Variants in AGBL1 observed in about 807,000 individuals in gnomAD.
AGBL1 encodes AGBL carboxypeptidase 1.
In AGBL1, 130 loss-of-function variants were observed where a neutral mutation model predicts 118.9. The ratio of observed to expected loss-of-function variants is 1.09; its 90% confidence interval spans 0.95 to 1.26. The LOEUF (loss-of-function observed/expected upper bound fraction) is 1.26. Ranked by LOEUF, AGBL1 falls within the 50% of genes most tolerant of loss-of-function variation. The pLI is 0.00. For missense variants in AGBL1, 1,584 were observed against 1,298.1 expected, an observed-to-expected ratio of 1.22 and a Z score of -3.38; for synonymous variants, 555 against 478.9, an observed-to-expected ratio of 1.16 and a Z score of -2.08.
chr15:86,154,131 A>G (rs2077155466), intron 3 of AGBL1, among the ~76,000 whole-genome samples: 1 of 152,208 alleles, frequency 6.6e-6, no homozygotes, highest in South Asian at 2.1e-4. Context: ...ATCGTCTTAA[A>G]GGAACAACTT....
chr15:86,722,361 C>T (rs2086737885), intron 22 of AGBL1, among the ~76,000 whole-genome samples: 1 of 152,194 alleles, frequency 6.6e-6, no homozygotes, highest in Admixed American at 6.5e-5. Flanking sequence ...CGCATATCTA[C>T]AACCATCTGA....
At chr15:86,247,310 G>T (rs2078736798) in intron 6 of AGBL1, among the ~76,000 whole-genome samples, 1 of 152,126 alleles carries the variant, frequency 6.6e-6, no homozygotes, top group Non-Finnish European at 1.5e-5. Flanking sequence ...TGCCTTTCAT[G>T]ACCTTGACAT....
chr15:86,798,195 C>T lies in AGBL1; in HGVS notation c.3159-108892C>T, dbSNP rs1277635986. On this transcript the variant is annotated intron_variant, in intron 22 of 22. Transcript: ENST00000614907. ...ACAAAACAACAAAAACAACCGATTC[C>T]ACCACATTTATCTTTGCCTTCAAAA... is the stretch of plus-strand genomic sequence containing the variant. Among the ~76,000 whole-genome samples, 6 of 152,110 alleles carry T rather than the reference C, an allele frequency of 3.9e-5. No homozygotes were observed. In the East Asian group the frequency reaches 1.2e-3, roughly 29 times the overall value.
intron 1 of AGBL1, 61 bp downstream of exon 1, chr15:86,080,084 G>C: frequency 8.3e-7 from 1 of 1,203,324 alleles, no homozygotes; most frequent in Non-Finnish European, 1.0e-6. Flanking sequence ...GGGCTGGCCT[G>C]CCTGGGAGCT....
intron 22 of AGBL1, among the ~76,000 whole-genome samples, chr15:86,827,421 ATATATATACACATATATATATGTGTGTG>A (rs2079035480): frequency 1.3e-4 from 1 of 7,944 alleles, no homozygotes; most frequent in African/African-American, 1.1e-3. Flanking sequence ...GTATATATAT[ATATATATACACATATATATATGTGTGTG>A]TATATATATA....
At chr15:86,687,223 T>G (rs1219966451) in intron 22 of AGBL1, among the ~76,000 whole-genome samples, 1 of 152,164 alleles carries the variant, frequency 6.6e-6, no homozygotes, top group Admixed American at 6.6e-5. Flanking sequence ...AGAGCACACC[T>G]AGAAGCTGCT....
At chr15:86,557,646 A>G (rs1288537471) in intron 21 of AGBL1, among the ~76,000 whole-genome samples, 1 of 152,148 alleles carries the variant, frequency 6.6e-6, no homozygotes, top group Non-Finnish European at 1.5e-5. Flanking sequence ...ACACAAATCT[A>G]TTCAAGTCAC....
chr15:86,432,525 A>G (rs900742547), intron 18 of AGBL1, among the ~76,000 whole-genome samples: 2 of 152,216 alleles, frequency 1.3e-5, no homozygotes, highest in African/African-American at 4.8e-5. Flanking sequence ...ATTGTATTCT[A>G]TTAAGAGAGC....
intron 16 of AGBL1, among the ~76,000 whole-genome samples, chr15:86,288,981 TG>T (rs1684506871): frequency 1.3e-5 from 2 of 152,188 alleles, no homozygotes; most frequent in South Asian, 4.1e-4. Context: ...ATGGCTTCAT[TG>T]TATATTACTA....
At chr15:86,639,466 C>G (rs192378449) in intron 21 of AGBL1, among the ~76,000 whole-genome samples, 8 of 152,274 alleles carry the variant, frequency 5.3e-5, no homozygotes, top group Non-Finnish European at 2.9e-5. Context: ...AATGTGATTT[C>G]AGTGGACTCA....
chr15:86,094,821 T>C (rs186385495), intron 1 of AGBL1, among the ~76,000 whole-genome samples: 14 of 152,288 alleles, frequency 9.2e-5, no homozygotes, highest in Admixed American at 2.0e-4. Context: ...TCTTCAACTT[T>C]CTGGATGCCA....
intron 17 of AGBL1, among the ~76,000 whole-genome samples, chr15:86,392,911 T>G (rs1400295661): frequency 1.1e-4 from 17 of 152,174 alleles, no homozygotes; most frequent in Non-Finnish European, 2.5e-4. Context: ...AGACTGAGAT[T>G]GTCAATTGCA....
chr15:86,473,261 C>T (rs2082504736), intron 18 of AGBL1, among the ~76,000 whole-genome samples: 1 of 152,154 alleles, frequency 6.6e-6, no homozygotes, highest in South Asian at 2.1e-4. Flanking sequence ...CAGGGAAGGA[C>T]TGAATGTGAT....
intron 22 of AGBL1, among the ~76,000 whole-genome samples, chr15:86,704,221 G>A (rs2086409024): frequency 6.6e-6 from 1 of 152,010 alleles, no homozygotes; most frequent in Non-Finnish European, 1.5e-5. Flanking sequence ...TTCAGGACAT[G>A]GCCTGGGCAA....
intron 5 of AGBL1, among the ~76,000 whole-genome samples, chr15:86,198,833 A>G (rs774045254): frequency 3.9e-5 from 6 of 152,194 alleles, no homozygotes; most frequent in Admixed American, 6.5e-5. Context: ...ACTGGTGGGA[A>G]AATAAATTTC....
chr15:86,346,360 T>C (rs1189212713), intron 17 of AGBL1, among the ~76,000 whole-genome samples: 1 of 151,502 alleles, frequency 6.6e-6, no homozygotes, highest in Non-Finnish European at 1.5e-5. Context: ...TTTTCTTTTT[T>C]TTTTGAGATG....
Position 86,378,679 on chromosome 15 carries a change from G to A in AGBL1, c.2375-18687G>A, listed in dbSNP as rs542295965. 2.0e-3 allele frequency among the ~76,000 whole-genome samples: 250 copies of A among 126,856 alleles called. 2 individuals carry two copies. The highest frequency in any genetic ancestry group is 0.011 in the Middle Eastern group (3 of 268). The allele number at this position is 126,856 out of a possible 152,430, so 83.2% of individuals were successfully genotyped here. A position where few individuals can be genotyped will look rare whatever the true frequency, so the allele number is the denominator to read the frequency against. On this transcript the variant is annotated intron_variant, in intron 17 of 22. Transcript: ENST00000614907. ...TTTAATTTTTACAATGCAGTGAGAT[G>A]GGATTATTATTATTATTATTATACC...
intron 5 of AGBL1, among the ~76,000 whole-genome samples, chr15:86,219,375 C>T (rs2132658): frequency 0.32 from 48,683 of 152,050 alleles, 8,011 homozygotes; most frequent in South Asian, 0.42. Flanking sequence ...TTCAGGGGCT[C>T]TAGTAAGCTT....
chr15:86,257,917 G>T (rs753308441), intron 8 of AGBL1, 47 bp from the exon 9 acceptor site: 1 of 1,586,638 alleles, frequency 6.3e-7, no homozygotes, highest in Non-Finnish European at 8.6e-7. Flanking sequence ...CCTAAATCCC[G>T]GGCAAAGGGG....
Sources: allele counts gnomAD v4.1 joint callset (sites outside exome capture counted in the v4.1 genomes callset), GRCh38; gene constraint gnomAD v4.1.1; transcripts MANE v1.5; gene names NCBI Gene and HGNC (gene_info 2026-07-23, HGNC 2026-07-21).